Variants in KCNC1 observed in about 807,000 individuals in gnomAD.
KCNC1 encodes the protein voltage-gated potassium channel KCNC1.
A neutral mutation model predicts 43.4 loss-of-function variants in KCNC1; 8 were observed. The ratio of observed to expected loss-of-function variants is 0.18; its 90% confidence interval spans 0.11 to 0.33. KCNC1 has a LOEUF of 0.33. Among genes scored for constraint, KCNC1 ranks in the 10% least tolerant of loss-of-function variants. The probability of loss-of-function intolerance (pLI) is 1.00; values close to 1 mark genes in which losing one functional copy is unlikely to be tolerated. For missense variants in KCNC1, 420 were observed against 836.0 expected (o/e 0.50, Z 6.14); for synonymous variants, 361 against 360.5 (o/e 1.00, Z -0.01).
chr11:17,772,515 C>G lies in KCNC1; in HGVS notation c.1421C>G (p.Ser474Cys), dbSNP rs1554991422. The change falls in exon 2 of 4, where the codon TCT becomes TGT. Residue 474 changes from serine to cysteine, a missense_variant. Around this residue, in one of 5 missense-constraint regions of KCNC1, gnomAD observed 147 missense variants for 176.1 expected, o/e 0.83. Transcript: ENST00000265969. Reference sequence around the variant, plus strand: ...CTGGGATCTCCCAATTATTGTAAATCTGTCGTAAACTCTCCACACCACAGT... The same window carrying G: ...CTGGGATCTCCCAATTATTGTAAATGTGTCGTAAACTCTCCACACCACAGT... Reference protein sequence around the residue: ...PQLGSPNYCKSVVNSPHHSTQ... With the variant: ...PQLGSPNYCKCVVNSPHHSTQ... 1 of 1,614,224 alleles carries G rather than the reference C, an allele frequency of 6.2e-7. No individual in the cohort carries two copies. Among genetic ancestry groups the G allele is most frequent in the Non-Finnish European group, 8.5e-7 (1 of 1,180,036 alleles).
chr11:17,741,925 C>T (rs928908850), intron 1 of KCNC1, among the ~76,000 whole-genome samples: 3 of 152,344 alleles, frequency 2.0e-5, no homozygotes, highest in Non-Finnish European at 4.4e-5. Flanking sequence ...TCCCGGGCCC[C>T]TAGGCTGGGT....
intron 1 of KCNC1, among the ~76,000 whole-genome samples, chr11:17,737,810 A>G (rs1848786201): frequency 6.6e-6 from 1 of 152,024 alleles, no homozygotes; most frequent in Non-Finnish European, 1.5e-5. Context: ...TTTACTCCGC[A>G]TCTCTCCCCT....
Position 17,781,414 on chromosome 11 carries a change from A to G in KCNC1, c.1694-256A>G, listed in dbSNP as rs1849344537. 1 of 453,212 alleles carries G rather than the reference A, an allele frequency of 2.2e-6. No individual in the cohort carries two copies. Among genetic ancestry groups the G allele is most frequent in the South Asian group, 4.2e-5 (1 of 23,824 alleles). The allele number at this position is 453,212 out of a possible 1,614,324, so 28.1% of individuals were successfully genotyped here. ...ACTTGTTTTTCTCAGGCTAATTCTGAGCCAGAAGGCATGCAGGTGTGTGAG... is the reference window on the plus strand; with the variant it reads ...ACTTGTTTTTCTCAGGCTAATTCTGGGCCAGAAGGCATGCAGGTGTGTGAG... On this transcript the variant is annotated intron_variant, in intron 3 of 3. Transcript: ENST00000265969. This position sits in a 1 kb window ranked among gnomAD's most constrained non-coding sequence, Gnocchi z 5.1.
intron 1 of KCNC1, among the ~76,000 whole-genome samples, chr11:17,770,455 GAGGCCAC>G (rs1307152454): frequency 6.6e-6 from 1 of 152,218 alleles, no homozygotes; most frequent in Non-Finnish European, 1.5e-5. Flanking sequence ...AGGGCCAAGG[GAGGCCAC>G]AGTGTGTTAG....
intron 1 of KCNC1, among the ~76,000 whole-genome samples, chr11:17,746,016 T>C (rs1033006529): frequency 6.6e-6 from 1 of 152,178 alleles, no homozygotes; most frequent in Non-Finnish European, 1.5e-5. Flanking sequence ...GAAGCTAGAG[T>C]AGGGCCTGGT....
chr11:17,756,740 G>C (rs1042725780), intron 1 of KCNC1, among the ~76,000 whole-genome samples: 2 of 152,152 alleles, frequency 1.3e-5, no homozygotes, highest in Non-Finnish European at 2.9e-5. Flanking sequence ...GGCCCAGTTG[G>C]GGGGCGGGGG....
Position 17,776,442 on chromosome 11 carries a change from C to T in KCNC1, c.1505-3014C>T, listed in dbSNP as rs543807518. 1.0e-6 allele frequency: 1 copy of T among 985,334 alleles called. No homozygotes were observed. The highest frequency in any genetic ancestry group is 1.2e-6 in the Non-Finnish European group (1 of 829,952). The allele number at this position is 985,334 out of a possible 1,614,324, so 61.0% of individuals were successfully genotyped here. ...CCGCAGCTGGTGTGAACAGTAAGTA[C>T]TTTGGCGGTGCCTGGAGACCAGGGC... On this transcript the variant is annotated intron_variant, in intron 2 of 3. Coordinates refer to ENST00000265969, the MANE Select transcript of KCNC1 (RefSeq NM_001112741.2). The surrounding 1 kb of genome is among the most constrained non-coding windows in gnomAD (Gnocchi z 4.4).
At chr11:17,764,692 G>A (rs1216547451) in intron 1 of KCNC1, among the ~76,000 whole-genome samples, 3 of 152,158 alleles carry the variant, frequency 2.0e-5, no homozygotes, top group Admixed American at 6.5e-5. Flanking sequence ...CGCTGCGCTC[G>A]GGGGCCAGGC....
intron 1 of KCNC1, among the ~76,000 whole-genome samples, chr11:17,737,569 C>A (rs893881365): frequency 6.6e-6 from 1 of 152,200 alleles, no homozygotes; most frequent in South Asian, 2.1e-4. Context: ...TCTTAAGGGC[C>A]TTGCTGCTGG....
rs779789545 is a variant in KCNC1, at chr11:17,773,350, C to T, written c.1504+752C>T. ...CACGTTGTCTGTTTGGGTTGATGGT[C>T]GAGTGGGAGTTTCCGGTGACCCGAT... On this transcript the variant is annotated intron_variant, in intron 2 of 3. Transcript: ENST00000265969. The surrounding 1 kb of genome is among the most constrained non-coding windows in gnomAD (Gnocchi z 4.1). The T allele has an allele frequency of 6.1e-6, 6 of 985,272 alleles. No homozygotes were observed. Among genetic ancestry groups the T allele is most frequent in the Non-Finnish European group, 6.0e-6 (5 of 829,966 alleles). 61.0% of individuals were successfully genotyped at this position (985,272 alleles called of 1,614,324 possible). A position where few individuals can be genotyped will look rare whatever the true frequency, so the allele number is the denominator to read the frequency against.
At position 17,736,447 on chromosome 11, in the gene KCNC1, C is replaced by G; in HGVS notation, c.445C>G (p.Leu149Val). The G allele has an allele frequency of 6.2e-7, 1 of 1,604,768 alleles. No homozygotes were observed. Among genetic ancestry groups the G allele is most frequent in the African/African-American group, 1.3e-5 (1 of 74,950 alleles). The change falls in exon 1 of 4, where the codon CTG becomes GTG. Residue 149 changes from leucine to valine, a missense_variant. Around this residue, in one of 5 missense-constraint regions of KCNC1, gnomAD observed 151 missense variants for 216.7 expected, o/e 0.70. Transcript: ENST00000265969. The surrounding 1 kb of genome is among the most constrained non-coding windows in gnomAD (Gnocchi z 9.3). Reference sequence around the variant, plus strand: ...CGACTCGGGCGACGGCGAGGACGAGCTGGAGATGACCAAGCGCCTGGCGCT... The same window carrying G: ...CGACTCGGGCGACGGCGAGGACGAGGTGGAGATGACCAAGCGCCTGGCGCT... Reference protein sequence around the residue: ...PGDSGDGEDELEMTKRLALSD... With the variant: ...PGDSGDGEDEVEMTKRLALSD...
Position 17,781,707 on chromosome 11 carries a change from G to C in KCNC1, c.1731G>C (p.Met577Ile). 3.9e-6 allele frequency: 6 copies of C among 1,551,506 alleles called. No homozygotes were observed. The highest frequency in any genetic ancestry group is 5.2e-6 in the Non-Finnish European group (6 of 1,146,824). Residue 577 changes from methionine to isoleucine, a missense_variant, in exon 4 of 4, where the codon ATG becomes ATC. Physicochemically the swap from Met to Ile is conservative, Grantham distance 10. Transcript: ENST00000265969. This position sits in a 1 kb window ranked among gnomAD's most constrained non-coding sequence, Gnocchi z 5.1. ...CKESPVIAKY[M>I]PTEAVRVT ...AAAGCCCTGTCATTGCTAAGTATAT[G>C]CCGACAGAGGCTGTGAGAGTGACTT...
Position 17,777,510 on chromosome 11 carries a change from C to G in KCNC1, c.1505-1946C>G, listed in dbSNP as rs1202754707. The G allele has an allele frequency of 1.0e-6, 1 of 985,908 alleles. No homozygotes were observed. Among genetic ancestry groups the G allele is most frequent in the East Asian group, 1.1e-4 (1 of 8,800 alleles). The allele number at this position is 985,908 out of a possible 1,614,324, so 61.1% of individuals were successfully genotyped here. A position where few individuals can be genotyped will look rare whatever the true frequency, so the allele number is the denominator to read the frequency against. ...ACCCTCCTCCCTCAGCCCGGAGACC[C>G]TTGGATGGAAGACTGGGCCAGCCAG... On this transcript the variant is annotated intron_variant, in intron 2 of 3. Transcript: ENST00000265969. This position sits in a 1 kb window ranked among gnomAD's most constrained non-coding sequence, Gnocchi z 4.3.
intron 1 of KCNC1, among the ~76,000 whole-genome samples, chr11:17,740,672 A>G (rs536252090): frequency 1.3e-5 from 2 of 152,188 alleles, no homozygotes; most frequent in East Asian, 1.9e-4. Flanking sequence ...GTGTGTTAAC[A>G]TCTGTTCCTG....
intron 3 of KCNC1, chr11:17,780,381 C>T (rs529354415): frequency 1.3e-3 from 191 of 152,612 alleles, no homozygotes; most frequent in Non-Finnish European, 2.0e-3. Context: ...GTAGTCAGCA[C>T]GCTAGGCTGT....
chr11:17,741,240 A>C (rs1389487699), intron 1 of KCNC1, among the ~76,000 whole-genome samples: 1 of 107,318 alleles, frequency 9.3e-6, no homozygotes, highest in African/African-American at 3.6e-5. Context: ...CCCAGTAATG[A>C]AAATCATAAA....
At chr11:17,769,935 T>C (rs1008788151) in intron 1 of KCNC1, among the ~76,000 whole-genome samples, 1 of 152,248 alleles carries the variant, frequency 6.6e-6, no homozygotes, top group Non-Finnish European at 1.5e-5. Flanking sequence ...GAACAGATCA[T>C]ATCTACAGGC....
intron 1 of KCNC1, among the ~76,000 whole-genome samples, chr11:17,763,788 A>T (rs1375045391): frequency 8.9e-6 from 1 of 112,780 alleles, no homozygotes; most frequent in African/African-American, 3.5e-5. Context: ...CCCCACACAC[A>T]CAATACACAC....
chr11:17,766,851 G>A (rs1353672820), intron 1 of KCNC1, among the ~76,000 whole-genome samples: 2 of 151,822 alleles, frequency 1.3e-5, no homozygotes, highest in South Asian at 2.1e-4. Context: ...GGAGGCAAGA[G>A]CTTAGGTTCT....
Sources: allele counts gnomAD v4.1 joint callset (sites outside exome capture counted in the v4.1 genomes callset), GRCh38; gene constraint gnomAD v4.1.1; regional missense constraint gnomAD v4.1.1; non-coding constraint Gnocchi (gnomAD v3.1); transcripts MANE v1.5; gene names NCBI Gene and HGNC (gene_info 2026-07-23, HGNC 2026-07-21).